The following SCGB2A2 variants were observed in gnomAD, a reference collection of about 807,000 sequenced individuals.
SCGB2A2 encodes mammaglobin-A.
Under a neutral mutation model 8.8 loss-of-function variants are expected in SCGB2A2, and 11 were observed. That is an observed-to-expected ratio of 1.25 (90% CI 0.79 to 2.07). The LOEUF is 2.07. Among genes scored for constraint, SCGB2A2 ranks in the 30% most tolerant of loss-of-function variants. The pLI is 0.00. For synonymous variants in SCGB2A2, 42 were observed against 40.9 expected (o/e 1.03, Z -0.10); for missense variants, 113 against 109.9 (o/e 1.03, Z -0.13).
intron 2 of SCGB2A2, among the ~76,000 whole-genome samples, chr11:62,272,615 A>G (rs1945288233): frequency 6.6e-6 from 1 of 150,680 alleles, no homozygotes; most frequent in East Asian, 1.9e-4. Flanking sequence ...ATATTTCCAC[A>G]ATGGAGGGTT....
chr11:62,271,162 G>A (rs1388174332), intron 2 of SCGB2A2, 94 bp downstream of exon 2: 1 of 1,605,256 alleles, frequency 6.2e-7, no homozygotes, highest in Non-Finnish European at 8.5e-7. Flanking sequence ...AGCCACTAGT[G>A]AACAAGCCTT....
In SCGB2A2 at chr11:62,270,250, C is replaced by G; in HGVS notation, c.34C>G (p.Leu12Val). 1 of 1,613,978 alleles carries G rather than the reference C, an allele frequency of 6.2e-7. No individual in the cohort carries two copies. The highest frequency in any genetic ancestry group is 8.5e-7 in the Non-Finnish European group (1 of 1,179,970). The change falls in exon 1 of 3, where the codon CTC becomes GTC. Residue 12 changes from leucine (L) to valine (V), a missense_variant. Coordinates refer to ENST00000227918, the MANE Select transcript of SCGB2A2 (RefSeq NM_002411.4). ...GCTGATGGTCCTCATGCTGGCGGCC[C>G]TCTCCCAGCACTGCTACGCAGGTGA... ...KLLMVLMLAALSQHCYAGSGC... is the reference protein window; with the variant it reads ...KLLMVLMLAAVSQHCYAGSGC...
At chr11:62,270,657 G>C (rs1945270162) in intron 1 of SCGB2A2, among the ~76,000 whole-genome samples, 1 of 152,206 alleles carries the variant, frequency 6.6e-6, no homozygotes, top group African/African-American at 2.4e-5. Context: ...AGTTTCATGA[G>C]GTTTAGCTTT....
intron 2 of SCGB2A2, 194 bp downstream of exon 2, chr11:62,271,262 C>G (rs567079945): frequency 5.1e-5 from 75 of 1,472,372 alleles, no homozygotes; most frequent in Non-Finnish European, 6.6e-5. Context: ...TCACTCTACC[C>G]AGAGAATCCT....
chr11:62,270,402 AC>A, intron 1 of SCGB2A2, 131 bp downstream of exon 1: 1 of 828,910 alleles, frequency 1.2e-6, no homozygotes, highest in Non-Finnish European at 2.0e-6. Flanking sequence ...AACAGATCTC[AC>A]CATGTTGCCC....
At chr11:62,272,108 C>A in intron 2 of SCGB2A2, 1 of 455,254 alleles carries the variant, frequency 2.2e-6, no homozygotes, top group Non-Finnish European at 2.8e-6. Flanking sequence ...AAGTGAACAT[C>A]ACCTCAGGAA....
chr11:62,270,682 T>C (rs978144542), intron 1 of SCGB2A2, among the ~76,000 whole-genome samples, 199 bp from the exon 2 acceptor site: 1 of 152,042 alleles, frequency 6.6e-6, no homozygotes, highest in African/African-American at 2.4e-5. Context: ...GGCTGGGGAG[T>C]GGAGAGAAAG....
In SCGB2A2 at chr11:62,270,950, A is replaced by T. The variant is rs747146202; in HGVS notation, c.125A>T (p.Tyr42Phe). 8 of 1,614,158 alleles carry T rather than the reference A, an allele frequency of 5.0e-6. No individual in the cohort carries two copies. In the South Asian group the frequency reaches 6.6e-5, roughly 13 times the overall value. ...TINPQVSKTEYKELLQEFIDD... is the reference protein window; with the variant it reads ...TINPQVSKTEFKELLQEFIDD... The stretch of plus-strand genomic sequence containing the variant: ...AATCCACAAGTGTCTAAGACTGAAT[A>T]CAAAGAACTTCTTCAAGAGTTCATA... The change falls in exon 2 of 3, where the codon TAC becomes TTC. Residue 42 changes from tyrosine to phenylalanine, a missense_variant. Tyr to Phe is a conservative substitution (Grantham distance 22). Transcript: ENST00000227918.
intron 2 of SCGB2A2, 137 bp from the exon 3 acceptor site, chr11:62,272,820 T>TA: frequency 1.9e-6 from 1 of 528,868 alleles, no homozygotes; most frequent in East Asian, 3.1e-5. Context: ...ACAGCTCTTC[T>TA]ACTTCCAGCC....
intron 2 of SCGB2A2, 74 bp from the exon 3 acceptor site, chr11:62,272,883 C>A: frequency 8.8e-7 from 1 of 1,141,838 alleles, no homozygotes; most frequent in Non-Finnish European, 1.3e-6. Flanking sequence ...AAAAGATAAG[C>A]TTCTGTTTTT....
intron 2 of SCGB2A2, chr11:62,271,843 T>G: frequency 1.0e-6 from 1 of 985,254 alleles, no homozygotes; most frequent in Non-Finnish European, 1.2e-6. Flanking sequence ...CAATCATAAT[T>G]TGCTAGCATA....
intron 2 of SCGB2A2, chr11:62,271,902 T>C: frequency 1.3e-5 from 13 of 983,450 alleles, no homozygotes; most frequent in Non-Finnish European, 1.6e-5. Flanking sequence ...AGATCATGGG[T>C]ATGAAACCAC....
Position 62,270,176 on chromosome 11 carries a change from C to A in SCGB2A2, c.-41C>A, listed in dbSNP as rs781006410. ...CACCTCCACAGCGGCTTCCTTGATC[C>A]TTGCCACCCGCGACTGAACACCGAC... On this transcript the variant is annotated 5_prime_UTR_variant, in exon 1 of 3. Coordinates refer to ENST00000227918, the MANE Select transcript of SCGB2A2 (RefSeq NM_002411.4). The A allele has an allele frequency of 1.9e-6, 3 of 1,609,178 alleles. No homozygotes were observed. The East Asian group carries it at 6.7e-5, about 36-fold the overall frequency.
chr11:62,272,576 G>A (rs1210142001), intron 2 of SCGB2A2, among the ~76,000 whole-genome samples: 3 of 151,680 alleles, frequency 2.0e-5, no homozygotes, highest in African/African-American at 7.3e-5. Context: ...GGTGGTGGCA[G>A]AGGGCGTCGG....
chr11:62,270,635 C>T (rs1209053025), intron 1 of SCGB2A2, among the ~76,000 whole-genome samples: 1 of 152,186 alleles, frequency 6.6e-6, no homozygotes, highest in African/African-American at 2.4e-5. Context: ...CTCAAGTCTT[C>T]TCATTAAATG....
intron 2 of SCGB2A2, 110 bp downstream of exon 2, chr11:62,271,178 A>G (rs1945275992): frequency 1.3e-6 from 2 of 1,596,190 alleles, no homozygotes; most frequent in African/African-American, 1.3e-5. Context: ...GCCTTTTCTT[A>G]CATTGGTTAA....
At chr11:62,270,762 C>A in intron 1 of SCGB2A2, 119 bp from the exon 2 acceptor site, 1 of 741,594 alleles carries the variant, frequency 1.3e-6, no homozygotes, top group Non-Finnish European at 2.2e-6. Context: ...CTAGATTCTG[C>A]ATCATTATCT....
chr11:62,270,413 C>T, intron 1 of SCGB2A2, 142 bp downstream of exon 1: 1 of 782,996 alleles, frequency 1.3e-6, no homozygotes, highest in Non-Finnish European at 2.1e-6. Flanking sequence ...CCATGTTGCC[C>T]AGGCTGGTCT....
intron 2 of SCGB2A2, chr11:62,271,749 C>T: frequency 6.1e-6 from 6 of 986,116 alleles, no homozygotes; most frequent in Non-Finnish European, 7.2e-6. Context: ...TAAAAAATGC[C>T]CTATTTTTCA....
Sources: gnomAD v4.1 joint callset for allele counts (sites outside exome capture counted in the v4.1 genomes callset) on GRCh38, gnomAD v4.1.1 for gene constraint, MANE v1.5 for transcripts, NCBI Gene and HGNC (gene_info 2026-07-23, HGNC 2026-07-21) for gene names.